Variants in CCDC191 observed in about 807,000 individuals in gnomAD.
The protein encoded by CCDC191 is coiled-coil domain-containing protein 191.
A neutral mutation model predicts 114.0 loss-of-function variants in CCDC191; 99 were observed. The observed-to-expected ratio is 0.87, with a 90% CI of 0.74 to 1.03. The LOEUF (loss-of-function observed/expected upper bound fraction) is 1.03, where lower values mean the gene tolerates loss of function less well. Among genes scored for constraint, CCDC191 ranks in the 50% least tolerant of loss-of-function variants. The pLI, the probability that CCDC191 is intolerant of heterozygous loss-of-function variation, is 0.00. For synonymous variants in CCDC191, 351 were observed against 376.0 expected (o/e 0.93, Z 0.77); for missense variants, 973 against 1,087.0 (o/e 0.90, Z 1.47).
intron 16 of CCDC191, among the ~76,000 whole-genome samples, chr3:113,968,765 A>AT (rs1940493067): frequency 2.6e-5 from 4 of 151,806 alleles, no homozygotes; most frequent in Admixed American, 2.6e-4. Context: ...GGACTTGCCC[A>AT]TTTTTAAATT....
At chr3:114,031,534 C>A in intron 7 of CCDC191, 92 bp downstream of exon 7, 1 of 1,106,092 alleles carries the variant, frequency 9.0e-7, no homozygotes, top group African/African-American at 1.6e-5. Context: ...TGAGGTTCAA[C>A]TGGACTTAGT....
chr3:114,000,657 CT>C (rs919805216), intron 13 of CCDC191, among the ~76,000 whole-genome samples: 1 of 134,678 alleles, frequency 7.4e-6, no homozygotes, highest in Non-Finnish European at 1.7e-5. Context: ...CTCTCTCTCT[CT>C]TTTTTTTTCT....
chr3:114,011,572 A>G (rs1222897345), intron 8 of CCDC191, among the ~76,000 whole-genome samples: 4 of 152,224 alleles, frequency 2.6e-5, no homozygotes, highest in Non-Finnish European at 5.9e-5. Context: ...GCTAAAGAGA[A>G]GGACTCATTT....
rs761635114 is a variant in CCDC191 at position 114,042,732 on chromosome 3, T to C, written c.386A>G (p.Asn129Ser). The change falls in exon 4 of 17, where the codon AAT (asparagine) becomes AGT (serine). Residue 129 changes from asparagine (N) to serine (S), a missense_variant. Transcript: ENST00000295878. ...VSSVTIMPEA[N>S]GHLKYDKFDD... Reference sequence around the variant, plus strand: ...AAACTTGTCATATTTCAAATGGCCATTGGCTTCCGGCATAATAGTGACACT... The same window carrying C: ...AAACTTGTCATATTTCAAATGGCCACTGGCTTCCGGCATAATAGTGACACT... The C allele has an allele frequency of 8.2e-6, 13 of 1,587,532 alleles. 1 individual carries two copies. The highest frequency in any genetic ancestry group is 5.5e-5 in the African/African-American group (4 of 73,108).
At chr3:113,986,200 C>A (rs893667206) in intron 13 of CCDC191, among the ~76,000 whole-genome samples, 5 of 152,166 alleles carry the variant, frequency 3.3e-5, no homozygotes, top group African/African-American at 1.2e-4. Flanking sequence ...AGAGGCACTT[C>A]AACTAGCTTA....
intron 13 of CCDC191, among the ~76,000 whole-genome samples, chr3:113,981,434 C>G (rs980157442): frequency 2.0e-5 from 3 of 152,070 alleles, no homozygotes; most frequent in Admixed American, 1.3e-4. Context: ...CTATAGATAT[C>G]ATTATTTCCT....
chr3:113,997,230 G>A (rs185913110), intron 13 of CCDC191, among the ~76,000 whole-genome samples: 7 of 152,204 alleles, frequency 4.6e-5, no homozygotes, highest in African/African-American at 1.7e-4. Flanking sequence ...TAAGCAAGAA[G>A]GGAAGCATAG....
At chr3:113,966,626 T>C (rs1421567508) in intron 16 of CCDC191, among the ~76,000 whole-genome samples, 1 of 152,108 alleles carries the variant, frequency 6.6e-6, no homozygotes, top group Admixed American at 6.6e-5. Context: ...GTTACAGTGT[T>C]GAAACGAAGT....
intron 16 of CCDC191, among the ~76,000 whole-genome samples, chr3:113,976,938 G>A (rs538853980): frequency 2.6e-5 from 4 of 152,274 alleles, no homozygotes; most frequent in African/African-American, 9.6e-5. Context: ...TAATCAACTT[G>A]CTTATCTGTT....
intron 3 of CCDC191, among the ~76,000 whole-genome samples, chr3:114,043,198 A>G (rs2076586284): frequency 6.6e-6 from 1 of 152,156 alleles, no homozygotes; most frequent in Non-Finnish European, 1.5e-5. Context: ...CTATAAGGTA[A>G]TATTATTCTC....
intron 11 of CCDC191, chr3:114,003,934 T>C: frequency 1.0e-6 from 1 of 985,312 alleles, no homozygotes; most frequent in Non-Finnish European, 1.2e-6. Context: ...ATTCACTAGG[T>C]GGGTTCTGAA....
intron 2 of CCDC191, chr3:114,047,059 T>TA: frequency 1.0e-6 from 1 of 953,974 alleles, no homozygotes; most frequent in South Asian, 4.8e-5. Context: ...TTACTTTAAA[T>TA]AAAAAATATT....
At position 114,006,619 on chromosome 3, in the gene CCDC191, A is replaced by ATATATATAT. The variant is rs1559903359; in HGVS notation, c.1414-658_1414-657insATATATATA. ...ATATATATATATATATATATATATA[A>ATATATATAT]ATATATATATTTTATATATAAAAAA... On this transcript the variant is annotated intron_variant, in intron 9 of 16. Transcript: ENST00000295878. 5.5e-4 allele frequency among the ~76,000 whole-genome samples: 51 copies of ATATATATAT among 92,488 alleles called. 1 individual carries two copies. The highest frequency in any genetic ancestry group is 6.2e-3 in the Middle Eastern group (1 of 162). The allele number at this position is 92,488 out of a possible 152,430, so 60.7% of individuals were successfully genotyped here. A position where few individuals can be genotyped will look rare whatever the true frequency, so the allele number is the denominator to read the frequency against.
intron 2 of CCDC191, 84 bp downstream of exon 2, chr3:114,053,513 G>T (rs565348587): frequency 8.3e-6 from 6 of 726,558 alleles, no homozygotes; most frequent in African/African-American, 3.6e-5. Context: ...TATGTGCAAA[G>T]TGGAGATCTA....
chr3:114,052,860 A>T (rs947665329), intron 2 of CCDC191, among the ~76,000 whole-genome samples: 1 of 152,212 alleles, frequency 6.6e-6, no homozygotes, highest in African/African-American at 2.4e-5. Flanking sequence ...ATACTGTCAG[A>T]ATGGTCTTTT....
chr3:114,055,996 TC>T (rs1208474552), intron 1 of CCDC191, among the ~76,000 whole-genome samples: 2 of 144,652 alleles, frequency 1.4e-5, no homozygotes, highest in Non-Finnish European at 3.0e-5. Flanking sequence ...TTAATAAAGA[TC>T]AATTACCCCA....
Position 114,038,729 on chromosome 3 carries a change from G to C in CCDC191, c.416-1943C>G, listed in dbSNP as rs1344820525. On this transcript the variant is annotated intron_variant, in intron 4 of 16. Transcript: ENST00000295878. ...AAAAAGGAATGAGATCATGTCCTTT[G>C]CAGAGACATGGATGGAGCTGGAAGC... Among the ~76,000 whole-genome samples, 17 of 152,194 alleles carry C rather than the reference G, an allele frequency of 1.1e-4. 1 individual carries two copies. The highest frequency in any genetic ancestry group is 1.1e-3 in the Admixed American group (17 of 15,280).
At chr3:114,024,463 A>G (rs1039246470) in intron 7 of CCDC191, among the ~76,000 whole-genome samples, 1 of 152,238 alleles carries the variant, frequency 6.6e-6, no homozygotes, top group African/African-American at 2.4e-5. Context: ...ATGTCCAACA[A>G]TGATAGACTG....
At chr3:114,022,285 G>A (rs997887935) in intron 7 of CCDC191, among the ~76,000 whole-genome samples, 3 of 152,140 alleles carry the variant, frequency 2.0e-5, no homozygotes, top group Non-Finnish European at 2.9e-5. Flanking sequence ...TCACACTACT[G>A]TCACTAGGAA....
Sources: allele counts gnomAD v4.1 joint callset (sites outside exome capture counted in the v4.1 genomes callset), GRCh38; gene constraint gnomAD v4.1.1; transcripts MANE v1.5; gene names NCBI Gene and HGNC (gene_info 2026-07-23, HGNC 2026-07-21).